The following MAML3 variants were observed in gnomAD, a reference collection of about 807,000 sequenced individuals.
The protein encoded by MAML3 is mastermind-like protein 3.
A neutral mutation model predicts 101.9 loss-of-function variants in MAML3; 27 were observed. The ratio of observed to expected loss-of-function variants is 0.27; its 90% CI spans 0.20 to 0.37. MAML3 has a LOEUF of 0.37. MAML3 is among the 10% of genes least tolerant of loss of function. The pLI is 1.00. For synonymous variants in MAML3, 501 were observed against 555.9 expected (o/e 0.90, Z 1.39); for missense variants, 1,316 against 1,444.9 (o/e 0.91, Z 1.45).
intron 1 of MAML3, among the ~76,000 whole-genome samples, chr4:140,017,256 C>T (rs1726656637): frequency 6.6e-6 from 1 of 152,132 alleles, no homozygotes; most frequent in Non-Finnish European, 1.5e-5. Context: ...TGAGACATCA[C>T]TATACACTTA....
chr4:139,851,268 T>C (rs1211637943), intron 2 of MAML3, among the ~76,000 whole-genome samples: 3 of 152,252 alleles, frequency 2.0e-5, no homozygotes, highest in African/African-American at 7.2e-5. Context: ...TGTTTATCTA[T>C]GGTCTAGGTC....
At chr4:139,730,757 C>T (rs1728674066) in intron 2 of MAML3, 90 bp from the exon 3 acceptor site, 6 of 1,206,398 alleles carry the variant, frequency 5.0e-6, no homozygotes, top group Non-Finnish European at 7.0e-6. Context: ...GGGAACGGGG[C>T]AGAAGTCCCA....
intron 1 of MAML3, among the ~76,000 whole-genome samples, chr4:140,049,845 G>C (rs543851051): frequency 1.0e-3 from 155 of 151,914 alleles, no homozygotes; most frequent in Admixed American, 2.4e-3. Context: ...AAGTAAAAGT[G>C]GGTGTACTTG....
chr4:140,011,414 G>T (rs1726561090), intron 1 of MAML3, among the ~76,000 whole-genome samples: 2 of 133,792 alleles, frequency 1.5e-5, no homozygotes, highest in African/African-American at 5.3e-5. Flanking sequence ...GCGCAATCTC[G>T]GCTCACTGCA....
intron 2 of MAML3, among the ~76,000 whole-genome samples, chr4:139,744,723 G>C (rs1457690997): frequency 6.6e-6 from 1 of 152,180 alleles, no homozygotes; most frequent in Non-Finnish European, 1.5e-5. Context: ...CTGTCCTGGA[G>C]GGAGACTGAA....
chr4:139,886,381 T>C (rs926418262), intron 2 of MAML3, among the ~76,000 whole-genome samples: 1 of 152,170 alleles, frequency 6.6e-6, no homozygotes, highest in East Asian at 1.9e-4. Context: ...ACATGTATGA[T>C]AGAAAGTTTA....
intron 1 of MAML3, among the ~76,000 whole-genome samples, chr4:140,109,183 G>A (rs1728401095): frequency 6.6e-6 from 1 of 152,134 alleles, no homozygotes; most frequent in African/African-American, 2.4e-5. Context: ...AAGAGGAAAG[G>A]GGAGGTGTGA....
chr4:139,952,435 C>T (rs41367145), intron 1 of MAML3, among the ~76,000 whole-genome samples: 6,088 of 152,094 alleles, frequency 0.04, 426 homozygotes, highest in African/African-American at 0.14. Flanking sequence ...TGGCCTCCTG[C>T]GTAAAATAGT....
chr4:139,903,636 G>C (rs929066113), intron 1 of MAML3, among the ~76,000 whole-genome samples: 1 of 152,222 alleles, frequency 6.6e-6, no homozygotes, highest in Non-Finnish European at 1.5e-5. Context: ...CAGAGGTTAA[G>C]TTAAAATGAG....
rs1213721738 is a variant in MAML3 at position 139,772,240 on chromosome 4, C to CAAA, written c.2080-41576_2080-41574dup. On this transcript the variant is annotated intron_variant, in intron 2 of 4. Transcript: ENST00000509479. Reference sequence around the variant, plus strand: ...GGGTGACAGAGCGAGACTCCGTTCTCAAAAAAAAAAAAAAAAAAAAAAAAA... The same window carrying CAAA: ...GGGTGACAGAGCGAGACTCCGTTCTCAAAAAAAAAAAAAAAAAAAAAAAAAAAA... Among the ~76,000 whole-genome samples, 353 of 39,274 alleles carry CAAA rather than the reference C, an allele frequency of 9.0e-3. 35 individuals are homozygous for CAAA. Among genetic ancestry groups the CAAA allele is most frequent in the African/African-American group, 0.048 (320 of 6,734 alleles). 25.8% of individuals were successfully genotyped at this position (39,274 alleles called of 152,430 possible).
At chr4:140,034,215 G>C (rs1306145309) in intron 1 of MAML3, among the ~76,000 whole-genome samples, 2 of 152,194 alleles carry the variant, frequency 1.3e-5, no homozygotes, top group African/African-American at 2.4e-5. Context: ...TTACAAAGTA[G>C]CCTATGAAGA....
chr4:139,900,402 A>G (rs1382707843), intron 1 of MAML3, among the ~76,000 whole-genome samples: 1 of 152,224 alleles, frequency 6.6e-6, no homozygotes, highest in Non-Finnish European at 1.5e-5. Flanking sequence ...ACAACAACAT[A>G]TTGGGAATGG....
chr4:139,987,426 T>C (rs1734559798), intron 1 of MAML3, among the ~76,000 whole-genome samples: 1 of 152,220 alleles, frequency 6.6e-6, no homozygotes, highest in African/African-American at 2.4e-5. Flanking sequence ...TTTTGTTCTG[T>C]GGTGGGAACG....
chr4:139,772,240 CAAAAAAAAAAA>C (rs1213721738), intron 2 of MAML3, among the ~76,000 whole-genome samples: 6 of 39,268 alleles, frequency 1.5e-4, no homozygotes, highest in African/African-American at 3.0e-4. Context: ...ACTCCGTTCT[CAAAAAAAAAAA>C]AAAAAAAAAA....
At chr4:139,778,590 G>A (rs908808843) in intron 2 of MAML3, among the ~76,000 whole-genome samples, 4 of 152,178 alleles carry the variant, frequency 2.6e-5, no homozygotes, top group African/African-American at 7.2e-5. Flanking sequence ...ATAAAGAATC[G>A]TTAGAGACTG....
intron 1 of MAML3, among the ~76,000 whole-genome samples, chr4:140,150,160 T>C (rs1257643118): frequency 2.0e-5 from 3 of 151,638 alleles, no homozygotes; most frequent in African/African-American, 7.3e-5. Context: ...CAGAAAATTT[T>C]ATTTTCACGC....
At chr4:140,076,038 A>G (rs1277681055) in intron 1 of MAML3, among the ~76,000 whole-genome samples, 2 of 152,048 alleles carry the variant, frequency 1.3e-5, no homozygotes, top group Non-Finnish European at 2.9e-5. Context: ...CTGGGATTAC[A>G]GGCGTGAGCC....
At chr4:139,882,864 T>C (rs1276327880) in intron 2 of MAML3, among the ~76,000 whole-genome samples, 2 of 151,850 alleles carry the variant, frequency 1.3e-5, no homozygotes, top group Non-Finnish European at 2.9e-5. Context: ...CACAAACAAA[T>C]AAACAAACAA....
Position 139,719,483 on chromosome 4 carries a change from C to T in MAML3, c.3257G>A (p.Arg1086Gln), listed in dbSNP as rs371235782. The part of the protein sequence containing the change: ...APSSQSQAYE[R>Q]NAPQDVSYNY... Reference sequence around the variant, plus strand: ...GTATGACACGTCCTGAGGGGCATTCCGCTCATAGGCTTGGCTCTGGCTGCT... The same window carrying T: ...GTATGACACGTCCTGAGGGGCATTCTGCTCATAGGCTTGGCTCTGGCTGCT... The change falls in exon 5 of 5, where the codon CGG (arginine) becomes CAG (glutamine). Residue 1086 changes from arginine (R) to glutamine (Q), a missense_variant. By Grantham distance (43) the Arg-to-Gln change is conservative. Transcript: ENST00000509479. 1.2e-5 allele frequency: 19 copies of T among 1,613,904 alleles called. No homozygotes were observed. The highest frequency in any genetic ancestry group is 1.5e-5 in the Non-Finnish European group (18 of 1,179,908).
Sources: allele counts gnomAD v4.1 joint callset (sites outside exome capture counted in the v4.1 genomes callset), GRCh38; gene constraint gnomAD v4.1.1; transcripts MANE v1.5; gene names NCBI Gene and HGNC (gene_info 2026-07-23, HGNC 2026-07-21).